Variants in SLC30A6 observed in about 807,000 individuals in gnomAD.
The protein encoded by SLC30A6 is zinc transporter 6.
Under a neutral mutation model 63.0 loss-of-function variants are expected in SLC30A6, and 55 were observed. The ratio of observed to expected loss-of-function variants is 0.87; its 90% CI spans 0.70 to 1.09. SLC30A6 has a LOEUF of 1.09. SLC30A6 is among the 50% of genes least tolerant of loss of function. The pLI, the probability that SLC30A6 is intolerant of heterozygous loss-of-function variation, is 0.00. For synonymous variants in SLC30A6, 224 were observed against 186.1 expected, an observed-to-expected ratio of 1.20 and a Z score of -1.66; for missense variants, 587 against 549.2, an observed-to-expected ratio of 1.07 and a Z score of -0.69.
chr2:32,220,811 A>G lies in SLC30A6; in HGVS notation c.*98A>G, dbSNP rs1686100191. On this transcript the variant is annotated 3_prime_UTR_variant, in exon 14 of 14. Transcript: ENST00000282587. ...TTGACTGTTTAATCATTTACTCTAAATGTTAGATAATAGTAGTCTTGTTCA... is the reference window on the plus strand; with the variant it reads ...TTGACTGTTTAATCATTTACTCTAAGTGTTAGATAATAGTAGTCTTGTTCA... The G allele has an allele frequency of 9.4e-7, 1 of 1,067,788 alleles. No homozygotes were observed. The highest frequency in any genetic ancestry group is 1.3e-6 in the Non-Finnish European group (1 of 747,244). 66.1% of individuals were successfully genotyped at this position (1,067,788 alleles called of 1,614,324 possible). A position where few individuals can be genotyped will look rare whatever the true frequency, so the allele number is the denominator to read the frequency against.
chr2:32,187,286 G>T, intron 5 of SLC30A6: 1 of 468,694 alleles, frequency 2.1e-6, no homozygotes, highest in Admixed American at 2.4e-5. Context: ...AATTACTACT[G>T]TTAAAATAAT....
intron 13 of SLC30A6, among the ~76,000 whole-genome samples, chr2:32,210,016 AAC>A (rs1685114150): frequency 6.6e-6 from 1 of 152,196 alleles, no homozygotes; most frequent in Non-Finnish European, 1.5e-5. Flanking sequence ...GAACTACAGT[AAC>A]ACAACTTGCT....
At chr2:32,189,322 C>T (rs71446057) in intron 5 of SLC30A6, among the ~76,000 whole-genome samples, 6,797 of 142,858 alleles carry the variant, frequency 0.048, 237 homozygotes, top group Non-Finnish European at 0.076. Context: ...GGCAGCATCT[C>T]GCTTGGTCGC....
chr2:32,179,762 C>T (rs1425941530), intron 4 of SLC30A6, among the ~76,000 whole-genome samples: 3 of 152,082 alleles, frequency 2.0e-5, no homozygotes, highest in South Asian at 2.1e-4. Flanking sequence ...TATACACATC[C>T]ACACACTACA....
intron 4 of SLC30A6, among the ~76,000 whole-genome samples, chr2:32,181,933 CTTTTTTTTTT>C (rs34589397): frequency 4.1e-5 from 5 of 122,934 alleles, no homozygotes; most frequent in Non-Finnish European, 8.5e-5. Context: ...TTTTTCTTTT[CTTTTTTTTTT>C]TTTTTTTTTG....
chr2:32,214,472 TC>T (rs1685530789), intron 13 of SLC30A6: 2 of 152,280 alleles, frequency 1.3e-5, no homozygotes, highest in African/African-American at 4.8e-5. Flanking sequence ...ATGGAACGCT[TC>T]ATGAATTTGC....
Position 32,209,522 on chromosome 2 carries a change from C to A in SLC30A6, c.846C>A (p.Val282=). 1.9e-6 allele frequency: 3 copies of A among 1,612,892 alleles called. No homozygotes were observed. Among genetic ancestry groups the A allele is most frequent in the Non-Finnish European group, 2.5e-6 (3 of 1,179,670 alleles). The part of the protein sequence containing the change: ...EVSTLDGVLE[V]RNEHFWTLGF... The stretch of plus-strand genomic sequence containing the variant: ...CTACCTTAGATGGAGTTTTAGAAGT[C>A]CGAAATGAACATTTTTGGACCCTAG... Residue 282 remains valine, a synonymous_variant, in exon 13 of 14, where the codon GTC becomes GTA. Coordinates refer to ENST00000282587, the MANE Select transcript of SLC30A6 (RefSeq NM_017964.5).
intron 10 of SLC30A6, chr2:32,202,752 G>A: frequency 1.4e-6 from 1 of 705,162 alleles, no homozygotes; most frequent in South Asian, 1.6e-5. Flanking sequence ...TGATTCTGAA[G>A]ACAGTCCTCA....
intron 13 of SLC30A6, among the ~76,000 whole-genome samples, chr2:32,216,533 CAAAA>C (rs1558429999): frequency 4.4e-5 from 5 of 112,426 alleles, no homozygotes; most frequent in African/African-American, 1.7e-4. Flanking sequence ...AAGACTCTCT[CAAAA>C]TAAATAAATA....
chr2:32,189,835 G>T (rs1573319030), intron 5 of SLC30A6, among the ~76,000 whole-genome samples: 1 of 151,718 alleles, frequency 6.6e-6, no homozygotes, highest in Non-Finnish European at 1.5e-5. Flanking sequence ...GTTTGAACTG[G>T]TTTCAAGCGA....
chr2:32,190,503 T>G (rs1358137411), intron 5 of SLC30A6, among the ~76,000 whole-genome samples: 1 of 152,162 alleles, frequency 6.6e-6, no homozygotes, highest in Non-Finnish European at 1.5e-5. Flanking sequence ...TTTTTTGGGT[T>G]GGTCCTTTTG....
rs1307485025 is a variant in SLC30A6, at chr2:32,178,030, C to A, written c.218+2669C>A. On this transcript the variant is annotated intron_variant, in intron 4 of 13. Transcript: ENST00000282587. Reference sequence around the variant, plus strand: ...TGGCGCGATCTTGGCTCACTGCAATCTCCGCCTCCCAGGTTCATGCCATTC... The same window carrying A: ...TGGCGCGATCTTGGCTCACTGCAATATCCGCCTCCCAGGTTCATGCCATTC... 2.7e-5 allele frequency among the ~76,000 whole-genome samples: 4 copies of A among 148,092 alleles called. No homozygotes were observed. In the South Asian group the frequency reaches 8.7e-4, roughly 32 times the overall value.
At chr2:32,215,168 G>A (rs1685586776) in intron 13 of SLC30A6, among the ~76,000 whole-genome samples, 1 of 152,048 alleles carries the variant, frequency 6.6e-6, no homozygotes, top group South Asian at 2.1e-4. Flanking sequence ...CCAACATGGA[G>A]TGTCTGCTGG....
chr2:32,210,743 A>G (rs1685194002), intron 13 of SLC30A6, among the ~76,000 whole-genome samples: 1 of 152,086 alleles, frequency 6.6e-6, no homozygotes, highest in Non-Finnish European at 1.5e-5. Context: ...CCCACTTTGC[A>G]GTCTTTAGTT....
Position 32,174,013 on chromosome 2 carries a change from C to T in SLC30A6, c.91-50C>T, listed in dbSNP as rs750001302. Reference sequence around the variant, plus strand: ...AAATTGTAGCAACTTGAACAGACCCCGTGAAATTTATCACTTCTGTACACA... The same window carrying T: ...AAATTGTAGCAACTTGAACAGACCCTGTGAAATTTATCACTTCTGTACACA... On this transcript the variant is annotated intron_variant, in intron 2 of 13. Coordinates refer to ENST00000282587, the MANE Select transcript of SLC30A6 (RefSeq NM_017964.5). The T allele has an allele frequency of 2.1e-5, 29 of 1,402,822 alleles. No individual in the cohort carries two copies. The Middle Eastern group carries it at 5.3e-4, about 26-fold the overall frequency. The allele number at this position is 1,402,822 out of a possible 1,614,324, so 86.9% of individuals were successfully genotyped here.
chr2:32,166,416 G>A (rs1242644532), intron 1 of SLC30A6, among the ~76,000 whole-genome samples: 2 of 152,206 alleles, frequency 1.3e-5, no homozygotes, highest in East Asian at 3.8e-4. Context: ...CATAAGCGCA[G>A]TAACTACAGA....
In SLC30A6 at chr2:32,223,790, G is replaced by T. The variant is rs1320179666; in HGVS notation, c.*3077G>T. ...TCTTTGTAAGGAAGGGTTATTTGGG[G>T]AAGTGTTGGAAAAAAGATTAGGGCA... On this transcript the variant is annotated 3_prime_UTR_variant, in exon 14 of 14. Coordinates refer to ENST00000282587, the MANE Select transcript of SLC30A6 (RefSeq NM_017964.5). 2 of 152,136 alleles carry T rather than the reference G, an allele frequency of 1.3e-5. No individual in the cohort carries two copies. The highest frequency in any genetic ancestry group is 2.9e-5 in the Non-Finnish European group (2 of 68,036). The allele number at this position is 152,136 out of a possible 1,614,324, so 9.4% of individuals were successfully genotyped here.
At chr2:32,210,515 CAAAAAA>C (rs3040860) in intron 13 of SLC30A6, among the ~76,000 whole-genome samples, 141 of 89,174 alleles carry the variant, frequency 1.6e-3, no homozygotes, top group Middle Eastern at 0.012. Context: ...ACTCTGTCTC[CAAAAAA>C]AAAAAAAAAA....
At chr2:32,207,221 AT>A (rs199822262) in intron 12 of SLC30A6, among the ~76,000 whole-genome samples, 7 of 149,080 alleles carry the variant, frequency 4.7e-5, no homozygotes, top group African/African-American at 4.9e-5. Context: ...TTATTTAGTT[AT>A]TTTTTTTTTG....
Sources: gnomAD v4.1 joint callset for allele counts (sites outside exome capture counted in the v4.1 genomes callset) on GRCh38, gnomAD v4.1.1 for gene constraint, MANE v1.5 for transcripts, NCBI Gene and HGNC (gene_info 2026-07-23, HGNC 2026-07-21) for gene names.